The following KCNK12 variants were observed in gnomAD, a reference collection of about 807,000 sequenced individuals.
KCNK12 encodes potassium channel subfamily K member 12.
KCNK12 carries 6 observed loss-of-function variants against 25.3 expected under a neutral mutation model. That is an observed-to-expected ratio of 0.24 (90% CI 0.13 to 0.47). KCNK12 has a LOEUF of 0.47. Among genes scored for constraint, KCNK12 ranks in the 20% least tolerant of loss-of-function variants. The pLI is 0.99. For missense variants in KCNK12, 444 were observed against 661.7 expected (o/e 0.67, Z 3.61); for synonymous variants, 331 against 311.1 (o/e 1.06, Z -0.67).
chr2:47,566,191 A>G lies in KCNK12; in HGVS notation c.391+3750T>C, dbSNP rs1669783435. ...TCCACTGGTACCGCACTGTGTAGAC[A>G]CACGTGTATCTACACGATTGCAAAC... is the stretch of plus-strand genomic sequence containing the variant. On this transcript the variant is annotated intron_variant, in intron 1 of 1. Transcript: ENST00000327876. This position sits in a 1 kb window ranked among gnomAD's most constrained non-coding sequence, Gnocchi z 4.1. The G allele has an allele frequency of 6.6e-6, 1 of 152,060 alleles. No individual in the cohort carries two copies. Among genetic ancestry groups the G allele is most frequent in the Non-Finnish European group, 1.5e-5 (1 of 67,996 alleles). The allele number at this position is 152,060 out of a possible 1,614,324, so 9.4% of individuals were successfully genotyped here. A position where few individuals can be genotyped will look rare whatever the true frequency, so the allele number is the denominator to read the frequency against.
rs1045812574 is a variant in KCNK12 at position 47,516,329 on chromosome 2, C to G, written c.*4578G>C. On this transcript the variant is annotated 3_prime_UTR_variant, in exon 2 of 2. Coordinates refer to ENST00000327876, the MANE Select transcript of KCNK12 (RefSeq NM_022055.2). ...TCCTTTAAAGCTCCATTTGGAGAGCCTCGGGCACAGCCAGGTTGGATCCAT... is the reference window on the plus strand; with the variant it reads ...TCCTTTAAAGCTCCATTTGGAGAGCGTCGGGCACAGCCAGGTTGGATCCAT... Among the ~76,000 whole-genome samples the G allele has an allele frequency of 9.9e-5, 15 of 152,204 alleles. No homozygotes were observed. Among genetic ancestry groups the G allele is most frequent in the African/African-American group, 3.6e-4 (15 of 41,442 alleles).
rs1375572599 is a variant in KCNK12 at position 47,570,182 on chromosome 2, C to A, written c.150G>T (p.Leu50=). ...CCGAGAAGACTGTGGCACCCGCCAC[C>A]AGGTAGAGGCCGATGAGCGCCGCCA... ...VLLAALIGLY[L]VAGATVFSAL... is the part of the protein sequence containing the mutation. Residue 50 remains leucine (L), a synonymous_variant, in exon 1 of 2, where the codon CTG becomes CTT. Transcript: ENST00000327876. The A allele has an allele frequency of 1.3e-6, 2 of 1,490,558 alleles. No individual in the cohort carries two copies. The highest frequency in any genetic ancestry group is 1.8e-6 in the Non-Finnish European group (2 of 1,124,136). The allele number at this position is 1,490,558 out of a possible 1,614,324, so 92.3% of individuals were successfully genotyped here. A position where few individuals can be genotyped will look rare whatever the true frequency, so the allele number is the denominator to read the frequency against.
chr2:47,526,726 C>T (rs1668788129), intron 1 of KCNK12, among the ~76,000 whole-genome samples: 2 of 152,172 alleles, frequency 1.3e-5, no homozygotes, highest in African/African-American at 4.8e-5. Flanking sequence ...GAGCGAAACT[C>T]CGTCTCAAAA....
chr2:47,551,219 A>G lies in KCNK12; in HGVS notation c.391+18722T>C, dbSNP rs1272056553. On this transcript the variant is annotated intron_variant, in intron 1 of 1. Coordinates refer to ENST00000327876, the MANE Select transcript of KCNK12 (RefSeq NM_022055.2). The surrounding 1 kb of genome is among the most constrained non-coding windows in gnomAD (Gnocchi z 5.3). Reference sequence around the variant, plus strand: ...TGGCTTCCTTGCGGCTCCTCCAGCAAACCCTGCAAGCTCCTCCTAAGGGAC... The same window carrying G: ...TGGCTTCCTTGCGGCTCCTCCAGCAGACCCTGCAAGCTCCTCCTAAGGGAC... Among the ~76,000 whole-genome samples, 1 of 152,066 alleles carries G rather than the reference A, an allele frequency of 6.6e-6. No homozygotes were observed. The highest frequency in any genetic ancestry group is 1.5e-5 in the Non-Finnish European group (1 of 67,992).
At position 47,540,522 on chromosome 2, in the gene KCNK12, G is replaced by A. The variant is rs2104811732; in HGVS notation, c.392-18714C>T. Among the ~76,000 whole-genome samples, 1 of 152,338 alleles carries A rather than the reference G, an allele frequency of 6.6e-6. No individual in the cohort carries two copies. The highest frequency in any genetic ancestry group is 2.4e-5 in the African/African-American group (1 of 41,572). ...ACAGAAGTGCCTTCAGTCAGATTTA[G>A]CGCTCCATCTTCTGCCTTTCTGAAG... On this transcript the variant is annotated intron_variant, in intron 1 of 1. Transcript: ENST00000327876. The surrounding 1 kb of genome is among the most constrained non-coding windows in gnomAD (Gnocchi z 5.4).
chr2:47,548,710 A>G lies in KCNK12; in HGVS notation c.391+21231T>C, dbSNP rs73929213. The stretch of plus-strand genomic sequence containing the variant: ...GTCTATGAGATAATTATTTTCAGAC[A>G]TTGGAAAAAAGGTAGTTCAGGATTA... On this transcript the variant is annotated intron_variant, in intron 1 of 1. Transcript: ENST00000327876. This position sits in a 1 kb window ranked among gnomAD's most constrained non-coding sequence, Gnocchi z 4.4. 6.6e-3 allele frequency among the ~76,000 whole-genome samples: 1,013 copies of G among 152,360 alleles called. 20 individuals carry two copies. The highest frequency in any genetic ancestry group is 0.023 in the African/African-American group (952 of 41,588).
chr2:47,552,505 T>C (rs1237471585), intron 1 of KCNK12, among the ~76,000 whole-genome samples: 1 of 152,236 alleles, frequency 6.6e-6, no homozygotes, highest in Non-Finnish European at 1.5e-5. Flanking sequence ...TGGCGGCTCA[T>C]GCCTGTAATC....
At chr2:47,530,340 CAA>C (rs774183506) in intron 1 of KCNK12, among the ~76,000 whole-genome samples, 3 of 152,112 alleles carry the variant, frequency 2.0e-5, no homozygotes, top group Non-Finnish European at 2.9e-5. Context: ...GGCACTGGGC[CAA>C]AGACTTCCCT....
chr2:47,509,495 C>T lies in KCNK12; in HGVS notation c.*11412G>A, dbSNP rs78268166. ...AACACGTCAGTTGTATCAGCATTAG[C>T]TGGCTGGAGGTGGCCTGCTGTGTGC... On this transcript the variant is annotated 3_prime_UTR_variant, in exon 2 of 2. Coordinates refer to ENST00000327876, the MANE Select transcript of KCNK12 (RefSeq NM_022055.2). Among the ~76,000 whole-genome samples the T allele has an allele frequency of 5.2e-4, 79 of 152,352 alleles. 1 individual carries two copies. In the East Asian group the frequency reaches 0.012, roughly 24 times the overall value.
chr2:47,569,086 AGG>A lies in KCNK12; in HGVS notation c.391+853_391+854del, dbSNP rs1354446116. On this transcript the variant is annotated intron_variant, in intron 1 of 1. Transcript: ENST00000327876. The surrounding 1 kb of genome is among the most constrained non-coding windows in gnomAD (Gnocchi z 4.1). Reference sequence around the variant, plus strand: ...CTCAGAGGCAGCAATCTGGCCACAGAGGGAGGGGTGGGGGCCTGAAGGAGTAT... The same window carrying A: ...CTCAGAGGCAGCAATCTGGCCACAGAGAGGGGTGGGGGCCTGAAGGAGTAT... Among the ~76,000 whole-genome samples, 2 of 151,726 alleles carry A rather than the reference AGG, an allele frequency of 1.3e-5. No individual in the cohort carries two copies. The highest frequency in any genetic ancestry group is 4.2e-4 in the South Asian group (2 of 4,768).
chr2:47,558,970 G>A (rs1440434079), intron 1 of KCNK12, among the ~76,000 whole-genome samples: 1 of 152,250 alleles, frequency 6.6e-6, no homozygotes, highest in South Asian at 2.1e-4. Flanking sequence ...TGGACTGAGA[G>A]GTGGAATTGA....
rs1360176212 is a variant in KCNK12, at chr2:47,525,111, C to T, written c.392-3303G>A. On this transcript the variant is annotated intron_variant, in intron 1 of 1. Transcript: ENST00000327876. This position sits in a 1 kb window ranked among gnomAD's most constrained non-coding sequence, Gnocchi z 4.1. ...GAGAACAGTATGTGTACATTTCTCCCCATTCTAAAGAGAAGTTCCAGACAC... is the reference window on the plus strand; with the variant it reads ...GAGAACAGTATGTGTACATTTCTCCTCATTCTAAAGAGAAGTTCCAGACAC... Among the ~76,000 whole-genome samples, 2 of 152,188 alleles carry T rather than the reference C, an allele frequency of 1.3e-5. No individual in the cohort carries two copies. Among genetic ancestry groups the T allele is most frequent in the Non-Finnish European group, 2.9e-5 (2 of 68,036 alleles).
intron 1 of KCNK12, among the ~76,000 whole-genome samples, chr2:47,549,436 T>C (rs1221588729): frequency 2.0e-5 from 3 of 151,998 alleles, no homozygotes; most frequent in Non-Finnish European, 2.9e-5. Flanking sequence ...AAATCAGATA[T>C]GCAAAGAAGC....
chr2:47,565,011 A>C lies in KCNK12; in HGVS notation c.391+4930T>G, dbSNP rs375388713. On this transcript the variant is annotated intron_variant, in intron 1 of 1. Coordinates refer to ENST00000327876, the MANE Select transcript of KCNK12 (RefSeq NM_022055.2). This position sits in a 1 kb window ranked among gnomAD's most constrained non-coding sequence, Gnocchi z 5.0. ...AGCGAGGCCCTGTCTCTTAAAAAAA[A>C]AAAAAAGTAGCCAGGTGTGGTGATG... 1 of 151,994 alleles carries C rather than the reference A, an allele frequency of 6.6e-6. No individual in the cohort carries two copies. The highest frequency in any genetic ancestry group is 1.5e-5 in the Non-Finnish European group (1 of 68,008). 9.4% of individuals were successfully genotyped at this position (151,994 alleles called of 1,614,324 possible). A position where few individuals can be genotyped will look rare whatever the true frequency, so the allele number is the denominator to read the frequency against.
At chr2:47,526,758 C>G (rs1463151899) in intron 1 of KCNK12, among the ~76,000 whole-genome samples, 1 of 151,664 alleles carries the variant, frequency 6.6e-6, no homozygotes, top group East Asian at 1.9e-4. Flanking sequence ...CCCCAAAACA[C>G]AAAAAGACAT....
intron 1 of KCNK12, among the ~76,000 whole-genome samples, chr2:47,550,363 A>T (rs1376947637): frequency 6.6e-6 from 1 of 151,304 alleles, no homozygotes; most frequent in Admixed American, 6.6e-5. Context: ...ACAGATAGAG[A>T]AAAATATTCA....
At position 47,565,188 on chromosome 2, in the gene KCNK12, G is replaced by C. The variant is rs1340036143; in HGVS notation, c.391+4753C>G. 2 of 152,046 alleles carry C rather than the reference G, an allele frequency of 1.3e-5. No individual in the cohort carries two copies. Among genetic ancestry groups the C allele is most frequent in the Non-Finnish European group, 2.9e-5 (2 of 68,008 alleles). The allele number at this position is 152,046 out of a possible 1,614,324, so 9.4% of individuals were successfully genotyped here. A position where few individuals can be genotyped will look rare whatever the true frequency, so the allele number is the denominator to read the frequency against. Reference sequence around the variant, plus strand: ...TCTCTTTAAAAAAAAAAGTTGATGAGAGAAATACGCAAGGAAGGATGCGCC... The same window carrying C: ...TCTCTTTAAAAAAAAAAGTTGATGACAGAAATACGCAAGGAAGGATGCGCC... On this transcript the variant is annotated intron_variant, in intron 1 of 1. Transcript: ENST00000327876. The surrounding 1 kb of genome is among the most constrained non-coding windows in gnomAD (Gnocchi z 5.0).
At chr2:47,532,034 G>T in intron 1 of KCNK12, among the ~76,000 whole-genome samples, 1 of 151,862 alleles carries the variant, frequency 6.6e-6, no homozygotes, top group East Asian at 1.9e-4. Context: ...GTGACAAAGC[G>T]CGACTCCGTC....
At chr2:47,531,341 C>T (rs956273905) in intron 1 of KCNK12, among the ~76,000 whole-genome samples, 6 of 151,986 alleles carry the variant, frequency 3.9e-5, no homozygotes, top group African/African-American at 1.2e-4. Context: ...GGCGTGGTGG[C>T]GTGTGCCTGT....
Sources: gnomAD v4.1 joint callset for allele counts (sites outside exome capture counted in the v4.1 genomes callset) on GRCh38, gnomAD v4.1.1 for gene constraint, Gnocchi (gnomAD v3.1) non-coding constraint, MANE v1.5 for transcripts, NCBI Gene and HGNC (gene_info 2026-07-23, HGNC 2026-07-21) for gene names.